PIGL: variants seen among roughly 807,000 people sequenced by gnomAD.
PIGL encodes N-acetylglucosaminyl-phosphatidylinositol de-N-acetylase.
A neutral mutation model predicts 31.1 loss-of-function variants in PIGL; 22 were observed. The observed-to-expected ratio is 0.71, with a 90% CI of 0.51 to 1.01. The LOEUF is 1.01. Among genes scored for constraint, PIGL ranks in the 50% least tolerant of loss-of-function variants. The pLI is 0.00. For missense variants in PIGL, 302 were observed against 315.9 expected, an observed-to-expected ratio of 0.96 and a Z score of 0.33; for synonymous variants, 131 against 117.4, an observed-to-expected ratio of 1.12 and a Z score of -0.75.
intron 6 of PIGL, among the ~76,000 whole-genome samples, chr17:16,321,742 TTCTG>T (rs549005325): frequency 7.4e-4 from 113 of 152,082 alleles, no homozygotes; most frequent in African/African-American, 1.7e-3. Context: ...CCCTCCCTCT[TTCTG>T]TCTGTCTGTC....
intron 2 of PIGL, among the ~76,000 whole-genome samples, chr17:16,270,435 A>T (rs1487780387): frequency 7.3e-6 from 1 of 137,612 alleles, no homozygotes; most frequent in Non-Finnish European, 1.6e-5. Context: ...AATTAATTAT[A>T]AATTATTAAT....
At chr17:16,251,185 G>A (rs563705589) in intron 2 of PIGL, among the ~76,000 whole-genome samples, 47 of 152,214 alleles carry the variant, frequency 3.1e-4, no homozygotes, top group African/African-American at 1.1e-3. Flanking sequence ...TAGCACTTTG[G>A]GAGGCCGAGG....
At chr17:16,252,926 A>C (rs1043354120) in intron 2 of PIGL, among the ~76,000 whole-genome samples, 2 of 152,154 alleles carry the variant, frequency 1.3e-5, no homozygotes, top group Admixed American at 1.3e-4. Context: ...TGGTGAAATA[A>C]AACAAAGAAG....
intron 6 of PIGL, 101 bp from the exon 7 acceptor site, chr17:16,325,698 TA>T: frequency 1.2e-6 from 1 of 845,380 alleles, no homozygotes; most frequent in South Asian, 1.4e-5. Context: ...GCATGAAGCA[TA>T]TTAGTTCGAG....
At chr17:16,294,449 C>A (rs958043976) in intron 2 of PIGL, among the ~76,000 whole-genome samples, 2 of 152,066 alleles carry the variant, frequency 1.3e-5, no homozygotes, top group Admixed American at 1.3e-4. Context: ...GCCCCCATGT[C>A]CCCCAGTACG....
Position 16,326,149 on chromosome 17 carries a change from T to C in PIGL, c.*251T>C. ...GCTACACTGCTAGCTTCTCAAGTTC[T>C]TGTGAAAAACAATTTACATAATGAC... On this transcript the variant is annotated 3_prime_UTR_variant, in exon 7 of 7. Coordinates refer to ENST00000225609, the MANE Select transcript of PIGL (RefSeq NM_004278.4). 1 of 465,690 alleles carries C rather than the reference T, an allele frequency of 2.1e-6. No homozygotes were observed. Among genetic ancestry groups the C allele is most frequent in the South Asian group, 3.8e-5 (1 of 26,622 alleles). The allele number at this position is 465,690 out of a possible 1,614,324, so 28.8% of individuals were successfully genotyped here. A position where few individuals can be genotyped will look rare whatever the true frequency, so the allele number is the denominator to read the frequency against.
intron 2 of PIGL, among the ~76,000 whole-genome samples, chr17:16,271,776 C>T (rs1043385919): frequency 5.9e-5 from 9 of 152,122 alleles, no homozygotes; most frequent in African/African-American, 9.7e-5. Context: ...ATGGTCTGCC[C>T]GCCTCAGCCT....
chr17:16,273,133 C>T (rs2092879402), intron 2 of PIGL, among the ~76,000 whole-genome samples: 1 of 152,162 alleles, frequency 6.6e-6, no homozygotes, highest in Non-Finnish European at 1.5e-5. Flanking sequence ...TCCTTGCCCT[C>T]AAGGAGCTTG....
At chr17:16,275,491 A>G (rs1673142415) in intron 2 of PIGL, among the ~76,000 whole-genome samples, 1 of 152,150 alleles carries the variant, frequency 6.6e-6, no homozygotes, top group Non-Finnish European at 1.5e-5. Flanking sequence ...CCTCCTGGGA[A>G]TGCAACCCAG....
intron 2 of PIGL, among the ~76,000 whole-genome samples, chr17:16,295,883 G>A (rs982655783): frequency 7.2e-5 from 11 of 152,220 alleles, no homozygotes; most frequent in Admixed American, 5.9e-4. Context: ...AGAGGTTGCA[G>A]TGAGCTAGGA....
chr17:16,304,145 A>G (rs1421386142), intron 3 of PIGL, among the ~76,000 whole-genome samples: 1 of 152,210 alleles, frequency 6.6e-6, no homozygotes, highest in African/African-American at 2.4e-5. Flanking sequence ...CACCGTGGCT[A>G]GTGTAGCTAT....
chr17:16,238,943 A>G (rs967903827), intron 2 of PIGL, among the ~76,000 whole-genome samples: 1 of 138,782 alleles, frequency 7.2e-6, no homozygotes, highest in Non-Finnish European at 1.5e-5. Context: ...GGGTTTCGCC[A>G]TGTTGGCCAG....
chr17:16,271,842 T>C (rs187691189), intron 2 of PIGL, among the ~76,000 whole-genome samples: 1 of 152,208 alleles, frequency 6.6e-6, no homozygotes, highest in Non-Finnish European at 1.5e-5. Context: ...AACATAATTA[T>C]ACTAAAAAAT....
In PIGL at chr17:16,245,805, CAT is replaced by C. The variant is rs570798253; in HGVS notation, c.335+11750_335+11751del. On this transcript the variant is annotated intron_variant, in intron 2 of 6. Transcript: ENST00000225609. ...ATATATATATATATACACACACACA[CAT>C]ATATATATATATATTTTTTTTTGAG... Among the ~76,000 whole-genome samples the C allele has an allele frequency of 2.3e-3, 284 of 121,676 alleles. 3 individuals carry two copies. Among genetic ancestry groups the C allele is most frequent in the East Asian group, 0.013 (55 of 4,304 alleles). The allele number at this position is 121,676 out of a possible 152,430, so 79.8% of individuals were successfully genotyped here. A position where few individuals can be genotyped will look rare whatever the true frequency, so the allele number is the denominator to read the frequency against.
At chr17:16,279,830 G>C (rs2092909378) in intron 2 of PIGL, 1 of 152,258 alleles carries the variant, frequency 6.6e-6, no homozygotes. Context: ...ATTGCAGCAA[G>C]TGTTTCTAGC....
At chr17:16,302,169 C>T (rs2093007534) in intron 3 of PIGL, among the ~76,000 whole-genome samples, 1 of 152,150 alleles carries the variant, frequency 6.6e-6, no homozygotes, top group South Asian at 2.1e-4. Context: ...GACCCTACCA[C>T]GACTCATCTC....
intron 1 of PIGL, among the ~76,000 whole-genome samples, chr17:16,222,939 T>C (rs775370056): frequency 5.9e-5 from 9 of 151,538 alleles, no homozygotes; most frequent in Non-Finnish European, 1.2e-4. Context: ...TTGAACCCAG[T>C]AGGTGGAGAT....
intron 2 of PIGL, among the ~76,000 whole-genome samples, chr17:16,270,890 C>CAA: frequency 7.0e-6 from 1 of 143,122 alleles, no homozygotes; most frequent in African/African-American, 2.6e-5. Context: ...GAGACTGTCT[C>CAA]AAAAAAAAAA....
At chr17:16,324,842 T>C (rs2093120483) in intron 6 of PIGL, among the ~76,000 whole-genome samples, 1 of 152,200 alleles carries the variant, frequency 6.6e-6, no homozygotes, top group Admixed American at 6.5e-5. Flanking sequence ...ATACTAGGTC[T>C]GAATAACAAG....
Sources: gnomAD v4.1 joint callset for allele counts (sites outside exome capture counted in the v4.1 genomes callset) on GRCh38, gnomAD v4.1.1 for gene constraint, MANE v1.5 for transcripts, NCBI Gene and HGNC (gene_info 2026-07-23, HGNC 2026-07-21) for gene names.